Variants in MIGA2 observed in about 807,000 individuals in gnomAD.
MIGA2 encodes mitoguardin 2, also known as family with sequence similarity 73, member B.
MIGA2 carries 36 observed loss-of-function variants against 69.9 expected under a neutral mutation model. The observed-to-expected ratio is 0.52, with a 90% confidence interval of 0.39 to 0.68. The LOEUF is 0.68. Among genes scored for constraint, MIGA2 ranks in the 30% least tolerant of loss-of-function variants. The pLI, the probability that MIGA2 is intolerant of heterozygous loss-of-function variation, is 0.00. For synonymous variants in MIGA2, 333 were observed against 349.2 expected, an observed-to-expected ratio of 0.95 and a Z score of 0.52; for missense variants, 660 against 787.7, an observed-to-expected ratio of 0.84 and a Z score of 1.94.
At position 129,060,761 on chromosome 9, in the gene MIGA2, G is replaced by A; in HGVS notation, c.894+111G>A. 2 of 932,162 alleles carry A rather than the reference G, an allele frequency of 2.1e-6. No homozygotes were observed. Among genetic ancestry groups the A allele is most frequent in the Admixed American group, 2.6e-5 (1 of 38,444 alleles). 57.7% of individuals were successfully genotyped at this position (932,162 alleles called of 1,614,324 possible). On this transcript the variant is annotated intron_variant, in intron 8 of 15. Transcript: ENST00000684074. The surrounding 1 kb of genome is among the most constrained non-coding windows in gnomAD (Gnocchi z 4.8). The stretch of plus-strand genomic sequence containing the variant: ...AAAGTGGAGGCATTTCCTCTGATGG[G>A]AGAATTTGGATGCTCCCACGGGCCT...
intron 6 of MIGA2, among the ~76,000 whole-genome samples, chr9:129,055,014 C>T (rs1423947583): frequency 6.6e-6 from 1 of 151,960 alleles, no homozygotes; most frequent in Admixed American, 6.6e-5. Context: ...GCCTCAACCT[C>T]CTAAGTAGCT....
At position 129,069,975 on chromosome 9, in the gene MIGA2, G is replaced by C. The variant is rs1846584260; in HGVS notation, c.1575+10G>C. ...CTGTGCTTTCTTCAAGGTAAACAGA[G>C]AGCAGTTCTCGTTCTTTCCTGACCC... On this transcript the variant is annotated intron_variant, in intron 15 of 15. Coordinates refer to ENST00000684074, the MANE Select transcript of MIGA2 (RefSeq NM_001329990.2). The surrounding 1 kb of genome is among the most constrained non-coding windows in gnomAD (Gnocchi z 4.9). 1.3e-6 allele frequency: 2 copies of C among 1,582,514 alleles called. No individual in the cohort carries two copies. Among genetic ancestry groups the C allele is most frequent in the African/African-American group, 2.7e-5 (2 of 73,940 alleles).
rs1588403061 is a variant in MIGA2, at chr9:129,060,475, A to G, written c.794-75A>G. ...AAGCCTCCCCTGGGCCTGATGGGGG[A>G]CTTCGTGTACCGGGATTCCAGCTGA... On this transcript the variant is annotated intron_variant, in intron 7 of 15. Coordinates refer to ENST00000684074, the MANE Select transcript of MIGA2 (RefSeq NM_001329990.2). The surrounding 1 kb of genome is among the most constrained non-coding windows in gnomAD (Gnocchi z 4.8). 8.2e-7 allele frequency: 1 copy of G among 1,215,404 alleles called. No individual in the cohort carries two copies. 75.3% of individuals were successfully genotyped at this position (1,215,404 alleles called of 1,614,324 possible).
rs1042127659 is a variant in MIGA2 at position 129,048,416 on chromosome 9, G to C, written c.308-11G>C. 4.3e-6 allele frequency: 7 copies of C among 1,611,916 alleles called. No homozygotes were observed. Among genetic ancestry groups the C allele is most frequent in the Non-Finnish European group, 5.9e-6 (7 of 1,178,228 alleles). ...ATGCCTGTGTGACGCCTGCCCTTCTGCTCCTCACAGGATACTCCAGCCGGA... is the reference window on the plus strand; with the variant it reads ...ATGCCTGTGTGACGCCTGCCCTTCTCCTCCTCACAGGATACTCCAGCCGGA... On this transcript the variant is annotated splice_polypyrimidine_tract_variant and intron_variant, in intron 3 of 15. Coordinates refer to ENST00000684074, the MANE Select transcript of MIGA2 (RefSeq NM_001329990.2).
chr9:129,071,275 T>G lies in MIGA2; in HGVS notation c.*822T>G, dbSNP rs1846664887. On this transcript the variant is annotated 3_prime_UTR_variant, in exon 16 of 16. Transcript: ENST00000684074. ...GGGCCCGGGGACCACTTGGGGGAGG[T>G]CAGAGGATGTATGTGGCCGGACCAG... 6.6e-6 allele frequency: 1 copy of G among 151,800 alleles called. No homozygotes were observed. The highest frequency in any genetic ancestry group is 1.5e-5 in the Non-Finnish European group (1 of 68,186). The allele number at this position is 151,800 out of a possible 1,614,324, so 9.4% of individuals were successfully genotyped here.
At position 129,061,387 on chromosome 9, in the gene MIGA2, G is replaced by A. The variant is rs762886496; in HGVS notation, c.1010+41G>A. ...GGGAGGGAGGGAGGGAGCAGGAGGC[G>A]ATGGGTGATTCTGGCCCTTGCGGGA... On this transcript the variant is annotated intron_variant, in intron 9 of 15. Coordinates refer to ENST00000684074, the MANE Select transcript of MIGA2 (RefSeq NM_001329990.2). The surrounding 1 kb of genome is among the most constrained non-coding windows in gnomAD (Gnocchi z 5.0). The A allele has an allele frequency of 7.2e-6, 11 of 1,531,058 alleles. No homozygotes were observed. The highest frequency in any genetic ancestry group is 4.7e-5 in the South Asian group (4 of 85,588). 94.8% of individuals were successfully genotyped at this position (1,531,058 alleles called of 1,614,324 possible).
Position 129,052,911 on chromosome 9 carries a change from C to T in MIGA2, c.675+2948C>T, listed in dbSNP as rs145916026. 3.9e-3 allele frequency among the ~76,000 whole-genome samples: 589 copies of T among 152,268 alleles called. 7 individuals carry two copies. The highest frequency in any genetic ancestry group is 0.013 in the African/African-American group (537 of 41,548). On this transcript the variant is annotated intron_variant, in intron 6 of 15. Coordinates refer to ENST00000684074, the MANE Select transcript of MIGA2 (RefSeq NM_001329990.2). ...GTCCTGTCTGCGAGTCGGCAGGGAACGGGCACCTGTAGGAGTGTGTTGGTG... is the reference window on the plus strand; with the variant it reads ...GTCCTGTCTGCGAGTCGGCAGGGAATGGGCACCTGTAGGAGTGTGTTGGTG...
At chr9:129,063,987 A>G (rs987553624) in intron 11 of MIGA2, among the ~76,000 whole-genome samples, 2 of 152,190 alleles carry the variant, frequency 1.3e-5, no homozygotes, top group African/African-American at 4.8e-5. Context: ...CATCACAGAC[A>G]ACACTATATA....
intron 12 of MIGA2, 36 bp downstream of exon 12, chr9:129,067,907 C>G: frequency 6.3e-7 from 1 of 1,587,342 alleles, no homozygotes; most frequent in East Asian, 2.3e-5. Flanking sequence ...ACATCCCGGG[C>G]TCCCCTGCAT....
At chr9:129,067,458 A>C in intron 11 of MIGA2, 1 of 336,188 alleles carries the variant, frequency 3.0e-6, no homozygotes, top group Non-Finnish European at 5.5e-6. Context: ...GGTCACGGAG[A>C]TTTGAACCTT....
At chr9:129,041,454 A>G (rs1333818385) in intron 2 of MIGA2, among the ~76,000 whole-genome samples, 1 of 152,038 alleles carries the variant, frequency 6.6e-6, no homozygotes, top group Non-Finnish European at 1.5e-5. Flanking sequence ...AGATCGCACC[A>G]CTGCACTCCA....
intron 6 of MIGA2, among the ~76,000 whole-genome samples, chr9:129,052,279 C>T (rs939149913): frequency 1.1e-4 from 16 of 151,720 alleles, no homozygotes; most frequent in East Asian, 3.9e-4. Flanking sequence ...CCTGCCAGCA[C>T]GCCCGGCTAA....
rs1037153274 is a variant in MIGA2 at position 129,069,599 on chromosome 9, C to T, written c.1459-250C>T. On this transcript the variant is annotated intron_variant, in intron 14 of 15. Transcript: ENST00000684074. This position sits in a 1 kb window ranked among gnomAD's most constrained non-coding sequence, Gnocchi z 4.9. ...TAGCTGATACCAGCTGCCGTGGCCA[C>T]GTGCTCCAGGCACTTCCCGCGGAGC... is the stretch of plus-strand genomic sequence containing the variant. The T allele has an allele frequency of 3.0e-5, 17 of 562,270 alleles. No individual in the cohort carries two copies. The highest frequency in any genetic ancestry group is 4.8e-5 in the Non-Finnish European group (15 of 312,468). 34.8% of individuals were successfully genotyped at this position (562,270 alleles called of 1,614,324 possible).
chr9:129,039,370 C>T (rs1395039428), intron 1 of MIGA2, among the ~76,000 whole-genome samples: 5 of 150,392 alleles, frequency 3.3e-5, no homozygotes, highest in African/African-American at 9.8e-5. Context: ...CTCAGCCTTC[C>T]GCGTAGCTGT....
intron 6 of MIGA2, among the ~76,000 whole-genome samples, chr9:129,050,515 C>T (rs1266599241): frequency 1.3e-5 from 2 of 151,484 alleles, no homozygotes; most frequent in Non-Finnish European, 2.9e-5. Flanking sequence ...CCTCATGATC[C>T]ACCCTCCCTG....
chr9:129,049,263 G>C (rs1021909417), intron 4 of MIGA2, 118 bp from the exon 5 acceptor site: 2 of 924,684 alleles, frequency 2.2e-6, no homozygotes, highest in Non-Finnish European at 3.4e-6. Context: ...ACAAGCTCAG[G>C]GATGGCATTT....
Position 129,061,112 on chromosome 9 carries a change from T to C in MIGA2, c.895-119T>C. ...TCCCTCTGACATCCCCTCAGAGACGTTGGCAGTGGGCAGGCACCTGGGGTG... is the reference window on the plus strand; with the variant it reads ...TCCCTCTGACATCCCCTCAGAGACGCTGGCAGTGGGCAGGCACCTGGGGTG... On this transcript the variant is annotated intron_variant, in intron 8 of 15. Coordinates refer to ENST00000684074, the MANE Select transcript of MIGA2 (RefSeq NM_001329990.2). The surrounding 1 kb of genome is among the most constrained non-coding windows in gnomAD (Gnocchi z 5.0). The C allele has an allele frequency of 2.5e-6, 2 of 792,492 alleles. No homozygotes were observed. Among genetic ancestry groups the C allele is most frequent in the Admixed American group, 2.0e-5 (1 of 49,462 alleles). 49.1% of individuals were successfully genotyped at this position (792,492 alleles called of 1,614,324 possible). A position where few individuals can be genotyped will look rare whatever the true frequency, so the allele number is the denominator to read the frequency against.
chr9:129,066,997 G>A (rs1230977169), intron 11 of MIGA2, among the ~76,000 whole-genome samples: 4 of 146,156 alleles, frequency 2.7e-5, no homozygotes, highest in African/African-American at 1.0e-4. Flanking sequence ...TTAGCCGGGC[G>A]TGGTGGCAGG....
In MIGA2 at chr9:129,060,897, C is replaced by T. The variant is rs1237037916; in HGVS notation, c.894+247C>T. The stretch of plus-strand genomic sequence containing the variant: ...TCCAGCCCGTGCTGGCCTTTCCCTT[C>T]TCCAGACCGCTGTGCCCATTGTTTG... On this transcript the variant is annotated intron_variant, in intron 8 of 15. Coordinates refer to ENST00000684074, the MANE Select transcript of MIGA2 (RefSeq NM_001329990.2). This position sits in a 1 kb window ranked among gnomAD's most constrained non-coding sequence, Gnocchi z 4.8. Among the ~76,000 whole-genome samples, 1 of 152,272 alleles carries T rather than the reference C, an allele frequency of 6.6e-6. No individual in the cohort carries two copies. The highest frequency in any genetic ancestry group is 1.5e-5 in the Non-Finnish European group (1 of 68,046).
Sources: gnomAD v4.1 joint callset for allele counts (sites outside exome capture counted in the v4.1 genomes callset) on GRCh38, gnomAD v4.1.1 for gene constraint, Gnocchi (gnomAD v3.1) non-coding constraint, MANE v1.5 for transcripts, NCBI Gene and HGNC (gene_info 2026-07-23, HGNC 2026-07-21) for gene names.